Variants in SLCO5A1 observed in about 807,000 individuals in gnomAD.
SLCO5A1 encodes organic anion transporter polypeptide-related protein 4.
A neutral mutation model predicts 65.1 loss-of-function variants in SLCO5A1; 39 were observed. That is an observed-to-expected ratio of 0.60 (90% CI 0.46 to 0.78). The LOEUF (loss-of-function observed/expected upper bound fraction) is 0.78. Among genes scored for constraint, SLCO5A1 ranks in the 30% least tolerant of loss-of-function variants. SLCO5A1 has a pLI of 0.00. For synonymous variants in SLCO5A1, 438 were observed against 415.7 expected (o/e 1.05, Z -0.65); for missense variants, 1,029 against 1,069.4 (o/e 0.96, Z 0.53).
rs114627880 is a variant in SLCO5A1, at chr8:69,765,941, C to G, written c.908-4066G>C. Among the ~76,000 whole-genome samples, 128 of 152,246 alleles carry G rather than the reference C, an allele frequency of 8.4e-4. 1 individual carries two copies. Among genetic ancestry groups the G allele is most frequent in the African/African-American group, 2.9e-3 (121 of 41,558 alleles). ...CCCTGTAGACTCTTTTTTGTCTATTCTAGCAGCCCTCACACTCCATCATGC... is the reference window on the plus strand; with the variant it reads ...CCCTGTAGACTCTTTTTTGTCTATTGTAGCAGCCCTCACACTCCATCATGC... On this transcript the variant is annotated intron_variant, in intron 2 of 9. Coordinates refer to ENST00000260126, the MANE Select transcript of SLCO5A1 (RefSeq NM_030958.3).
chr8:69,784,872 G>A (rs1446826182), intron 2 of SLCO5A1, among the ~76,000 whole-genome samples: 50 of 64,778 alleles, frequency 7.7e-4, no homozygotes, highest in African/African-American at 8.2e-4. Flanking sequence ...AGGGAAGGAA[G>A]GAGAAAGAAA....
intron 2 of SLCO5A1, among the ~76,000 whole-genome samples, chr8:69,797,916 AC>A (rs1439007119): frequency 6.6e-6 from 1 of 152,064 alleles, no homozygotes; most frequent in Non-Finnish European, 1.5e-5. Flanking sequence ...GATCTCTGTG[AC>A]CCACACCCTA....
intron 9 of SLCO5A1, among the ~76,000 whole-genome samples, chr8:69,674,885 C>T (rs1299153790): frequency 7.5e-6 from 1 of 133,226 alleles, no homozygotes; most frequent in East Asian, 2.3e-4. Flanking sequence ...AAAAAAAATG[C>T]AAAAATTAGC....
chr8:69,818,564 C>T (rs996325597), intron 2 of SLCO5A1, among the ~76,000 whole-genome samples: 3 of 152,218 alleles, frequency 2.0e-5, no homozygotes, highest in African/African-American at 7.2e-5. Context: ...GAAAACTCTA[C>T]CATAAATGCT....
chr8:69,765,314 C>T (rs538667917), intron 2 of SLCO5A1, among the ~76,000 whole-genome samples: 1 of 151,218 alleles, frequency 6.6e-6, no homozygotes, highest in African/African-American at 2.4e-5. Flanking sequence ...TATATGTATA[C>T]ATGTACATAT....
chr8:69,823,572 C>G (rs1255060732), intron 2 of SLCO5A1, among the ~76,000 whole-genome samples: 4 of 152,150 alleles, frequency 2.6e-5, no homozygotes, highest in African/African-American at 7.2e-5. Flanking sequence ...ACAAGAAGAG[C>G]TCACTATCCT....
intron 5 of SLCO5A1, among the ~76,000 whole-genome samples, chr8:69,725,751 G>A (rs1451510144): frequency 6.6e-6 from 1 of 152,136 alleles, no homozygotes; most frequent in Admixed American, 6.6e-5. Context: ...AATCTATTGG[G>A]CATATCTTTG....
rs576780015 is a variant in SLCO5A1, at chr8:69,810,394, A to T, written c.907+21373T>A. On this transcript the variant is annotated intron_variant, in intron 2 of 9. Transcript: ENST00000260126. ...TCTTCTTAGCCACTTTAAAGCTATT[A>T]TCATAGCCTGAGGCCTAAAAGTGGA... is the stretch of plus-strand genomic sequence containing the variant. Among the ~76,000 whole-genome samples the T allele has an allele frequency of 4.9e-4, 74 of 152,278 alleles. 1 individual carries two copies. The highest frequency in any genetic ancestry group is 9.7e-4 in the Non-Finnish European group (66 of 68,024).
chr8:69,747,394 T>G (rs1817081966), intron 4 of SLCO5A1, among the ~76,000 whole-genome samples: 1 of 152,004 alleles, frequency 6.6e-6, no homozygotes, highest in Non-Finnish European at 1.5e-5. Context: ...CATCCATGGA[T>G]TCAACCAACC....
At chr8:69,719,383 C>A (rs1023837282) in intron 5 of SLCO5A1, among the ~76,000 whole-genome samples, 1 of 152,204 alleles carries the variant, frequency 6.6e-6, no homozygotes, top group Non-Finnish European at 1.5e-5. Flanking sequence ...TGGAGAACAT[C>A]AACCCTACTG....
chr8:69,703,453 G>A (rs962796433), intron 6 of SLCO5A1, among the ~76,000 whole-genome samples: 1 of 152,202 alleles, frequency 6.6e-6, no homozygotes, highest in Non-Finnish European at 1.5e-5. Flanking sequence ...GGCTGAGACA[G>A]GAGACTCACT....
intron 4 of SLCO5A1, among the ~76,000 whole-genome samples, chr8:69,742,383 G>A (rs985455801): frequency 2.0e-5 from 3 of 152,092 alleles, no homozygotes; most frequent in African/African-American, 4.8e-5. Context: ...AAAGCATGAT[G>A]AAGGAGAGAT....
chr8:69,674,802 C>T (rs1168218613), intron 9 of SLCO5A1, among the ~76,000 whole-genome samples: 1 of 151,528 alleles, frequency 6.6e-6, no homozygotes, highest in Non-Finnish European at 1.5e-5. Context: ...GGGTGGATCA[C>T]CTGAGGTCAA....
chr8:69,794,438 T>C (rs1461734929), intron 2 of SLCO5A1: 1 of 448,024 alleles, frequency 2.2e-6, no homozygotes, highest in Non-Finnish European at 4.4e-6. Flanking sequence ...CTTCAGAAAC[T>C]TTATAAGTGA....
chr8:69,826,265 A>C (rs879303400), intron 2 of SLCO5A1, among the ~76,000 whole-genome samples: 5,575 of 150,374 alleles, frequency 0.037, 137 homozygotes, highest in Non-Finnish European at 0.054. Flanking sequence ...GCAACAAAAG[A>C]CAAAATTGAC....
At chr8:69,781,501 T>C (rs780979478) in intron 2 of SLCO5A1, among the ~76,000 whole-genome samples, 14 of 152,220 alleles carry the variant, frequency 9.2e-5, no homozygotes, top group Non-Finnish European at 1.9e-4. Flanking sequence ...TCAACAGTCA[T>C]TGAGAATAGA....
intron 2 of SLCO5A1, among the ~76,000 whole-genome samples, chr8:69,797,834 CG>C (rs1819566356): frequency 1.3e-5 from 2 of 152,172 alleles, no homozygotes; most frequent in Non-Finnish European, 2.9e-5. Context: ...AATTTTGCCC[CG>C]GTCCTGTGGT....
At chr8:69,697,163 A>C (rs1392382551) in intron 6 of SLCO5A1, among the ~76,000 whole-genome samples, 1 of 152,256 alleles carries the variant, frequency 6.6e-6, no homozygotes, top group Non-Finnish European at 1.5e-5. Context: ...GCACTCATTC[A>C]TTCGTTCATT....
intron 5 of SLCO5A1, among the ~76,000 whole-genome samples, chr8:69,735,637 G>A (rs899377508): frequency 5.3e-5 from 8 of 152,248 alleles, no homozygotes; most frequent in Admixed American, 1.3e-4. Flanking sequence ...ATAGATACAT[G>A]GAGGGGAACA....
Sources: allele counts gnomAD v4.1 joint callset (sites outside exome capture counted in the v4.1 genomes callset), GRCh38; gene constraint gnomAD v4.1.1; transcripts MANE v1.5; gene names NCBI Gene and HGNC (gene_info 2026-07-23, HGNC 2026-07-21).